NUP98: variants seen among roughly 807,000 people sequenced by gnomAD.
The protein encoded by NUP98 is nuclear pore complex protein Nup98-Nup96.
In NUP98, 26 loss-of-function variants were observed where a neutral mutation model predicts 191.9. The observed-to-expected ratio is 0.14, with a 90% CI of 0.10 to 0.19. NUP98 has a LOEUF of 0.19. NUP98 is among the 10% of genes least tolerant of loss of function. The pLI, the probability that NUP98 is intolerant of heterozygous loss-of-function variation, is 1.00. For missense variants in NUP98, 1,941 were observed against 2,178.8 expected, an observed-to-expected ratio of 0.89 and a Z score of 2.17; for synonymous variants, 808 against 778.4, an observed-to-expected ratio of 1.04 and a Z score of -0.63.
In NUP98 at chr11:3,771,991, C is replaced by T. The variant is rs913693644; in HGVS notation, c.604-63G>A. The T allele has an allele frequency of 2.9e-6, 4 of 1,394,018 alleles. No homozygotes were observed. The African/African-American group carries it at 4.3e-5, about 15-fold the overall frequency. The allele number at this position is 1,394,018 out of a possible 1,614,324, so 86.4% of individuals were successfully genotyped here. On this transcript the variant is annotated intron_variant, in intron 6 of 32. Transcript: ENST00000324932. ...CAGCTAAAAATAATTATTTAGGAGG[C>T]TAAATACTTGAATTTAGTATTCAAG...
intron 25 of NUP98, among the ~76,000 whole-genome samples, chr11:3,695,993 ACCAG>A (rs1460854501): frequency 2.0e-5 from 3 of 152,090 alleles, no homozygotes; most frequent in Non-Finnish European, 4.4e-5. Context: ...CGAGTTCGAG[ACCAG>A]CCTGACCAAC....
intron 23 of NUP98, 146 bp downstream of exon 23, chr11:3,702,316 CT>C (rs2078719953): frequency 1.0e-4 from 8 of 77,640 alleles, no homozygotes; most frequent in Admixed American, 1.6e-4. Context: ...CACACACACT[CT>C]CTCTCTCTCT....
At chr11:3,776,077 A>C in intron 4 of NUP98, 56 bp from the exon 5 acceptor site, 1 of 1,387,618 alleles carries the variant, frequency 7.2e-7, no homozygotes, top group Non-Finnish European at 1.0e-6. Flanking sequence ...AGAATGTATA[A>C]GATGCATTGG....
chr11:3,728,469 C>T (rs1277918655), intron 14 of NUP98, among the ~76,000 whole-genome samples: 2 of 152,220 alleles, frequency 1.3e-5, no homozygotes, highest in African/African-American at 4.8e-5. Flanking sequence ...GGTGCGGCGG[C>T]TCACGCCTGT....
Position 3,687,272 on chromosome 11 carries a change from T to A in NUP98, c.4455-1078A>T, listed in dbSNP as rs371179944. On this transcript the variant is annotated intron_variant, in intron 28 of 32. Transcript: ENST00000324932. Reference sequence around the variant, plus strand: ...CTGAATTTTCAGAGTTCTTGATGTATTCCTGGATACAAGTTCTCTATCAGA... The same window carrying A: ...CTGAATTTTCAGAGTTCTTGATGTAATCCTGGATACAAGTTCTCTATCAGA... Among the ~76,000 whole-genome samples the A allele has an allele frequency of 1.9e-4, 29 of 152,300 alleles. No homozygotes were observed. The East Asian group carries it at 5.6e-3, about 29-fold the overall frequency.
intron 26 of NUP98, among the ~76,000 whole-genome samples, chr11:3,694,468 C>T (rs113119618): frequency 0.015 from 2,339 of 150,976 alleles, 65 homozygotes; most frequent in African/African-American, 0.054. Flanking sequence ...GGGCCGGGCG[C>T]GGTGGCTCAC....
chr11:3,726,990 G>A (rs966110134), intron 14 of NUP98, among the ~76,000 whole-genome samples: 1 of 151,934 alleles, frequency 6.6e-6, no homozygotes, highest in East Asian at 1.9e-4. Context: ...GGTCTCACTG[G>A]CCTCTCTAGT....
rs774458907 is a variant in NUP98 at position 3,686,056 on chromosome 11, T to C, written c.4593A>G (p.Leu1531=). Residue 1531 remains leucine (L), a synonymous_variant, in exon 29 of 33, where the codon CTA becomes CTG. Transcript: ENST00000324932. ...CAAGCTGGCCAGCGTAACTGGCCTGTAGCACACCTTCACACTGCGCTGAGA... is the reference window on the plus strand; with the variant it reads ...CAAGCTGGCCAGCGTAACTGGCCTGCAGCACACCTTCACACTGCGCTGAGA... The part of the protein sequence containing the change: ...THLSAQCEGV[L]QASYAGQLES... 1.4e-5 allele frequency: 23 copies of C among 1,614,090 alleles called. No individual in the cohort carries two copies. In the Admixed American group the frequency reaches 1.7e-4, roughly 12 times the overall value.
At chr11:3,784,324 G>C (rs2082069372) in intron 1 of NUP98, among the ~76,000 whole-genome samples, 1 of 136,486 alleles carries the variant, frequency 7.3e-6, no homozygotes, top group Non-Finnish European at 1.7e-5. Context: ...AAATTTCCTA[G>C]GAAAAAAAAT....
At chr11:3,725,415 T>C (rs1157657023) in intron 14 of NUP98, among the ~76,000 whole-genome samples, 196 bp from the exon 15 acceptor site, 1 of 152,210 alleles carries the variant, frequency 6.6e-6, no homozygotes, top group African/African-American at 2.4e-5. Flanking sequence ...AAATACATTG[T>C]ACTATGGTGT....
chr11:3,784,975 TAAAAATACAA>T (rs1370563888), intron 1 of NUP98, among the ~76,000 whole-genome samples: 3 of 151,480 alleles, frequency 2.0e-5, no homozygotes, highest in Admixed American at 2.0e-4. Context: ...CCGTCTCTAC[TAAAAATACAA>T]AAATTAGCCA....
chr11:3,720,975 A>AGTGTGTGTGTGTGTGTGT lies in NUP98; in HGVS notation c.2147-168_2147-151dup, dbSNP rs55984201. The stretch of plus-strand genomic sequence containing the variant: ...TGATTCCTAGGAGAAGGGGTGTGTG[A>AGTGTGTGTGTGTGTGTGT]GTGTGTGTGTGTGTGTGTGTGTGTG... On this transcript the variant is annotated intron_variant, in intron 16 of 32. Transcript: ENST00000324932. 281 of 324,590 alleles carry AGTGTGTGTGTGTGTGTGT rather than the reference A, an allele frequency of 8.7e-4. 1 individual carries two copies. Among genetic ancestry groups the AGTGTGTGTGTGTGTGTGT allele is most frequent in the African/African-American group, 5.5e-3 (242 of 44,106 alleles). 20.1% of individuals were successfully genotyped at this position (324,590 alleles called of 1,614,324 possible).
chr11:3,768,536 C>G, intron 8 of NUP98, 45 bp downstream of exon 8: 1 of 1,442,920 alleles, frequency 6.9e-7, no homozygotes, highest in Non-Finnish European at 9.2e-7. Flanking sequence ...CATTACTTAA[C>G]TCTAAAAATA....
At chr11:3,728,613 C>T (rs769201793) in intron 14 of NUP98, among the ~76,000 whole-genome samples, 1 of 152,074 alleles carries the variant, frequency 6.6e-6, no homozygotes, top group Non-Finnish European at 1.5e-5. Flanking sequence ...GTGGTGGGCG[C>T]CTGTAGTCCC....
In NUP98 at chr11:3,695,460, C is replaced by T; in HGVS notation, c.4156G>A (p.Ala1386Thr). The T allele has an allele frequency of 6.5e-7, 1 of 1,547,188 alleles. No homozygotes were observed. Among genetic ancestry groups the T allele is most frequent in the Non-Finnish European group, 8.7e-7 (1 of 1,146,888 alleles). ...AAAGTAGAAGATACCGGTTTTCCAG[C>T]CAACAGAGCAAAGATGCGCAGTCTC... Reference protein sequence around the residue: ...DERLRIFALLAGKPVWQLSEK... With the variant: ...DERLRIFALLTGKPVWQLSEK... The change falls in exon 26 of 33, where the codon GCT (alanine) becomes ACT (threonine). Residue 1386 changes from alanine (A) to threonine (T), a missense_variant. Ala to Thr is a moderately conservative substitution (Grantham distance 58). This residue lies in a region of NUP98 where 1,030 missense variants were observed against 1,115.8 expected (regional missense o/e 0.92). Coordinates refer to ENST00000324932, the MANE Select transcript of NUP98 (RefSeq NM_016320.5).
intron 23 of NUP98, among the ~76,000 whole-genome samples, chr11:3,701,284 G>C (rs1253491080): frequency 1.4e-5 from 2 of 144,158 alleles, no homozygotes; most frequent in South Asian, 4.3e-4. Flanking sequence ...TTTTGAGATG[G>C]AGTTTCACAC....
Position 3,702,732 on chromosome 11 carries a change from G to A in NUP98, c.3243C>T (p.Pro1081=). The A allele has an allele frequency of 6.2e-7, 1 of 1,614,170 alleles. No individual in the cohort carries two copies. Among genetic ancestry groups the A allele is most frequent in the Non-Finnish European group, 8.5e-7 (1 of 1,180,036 alleles). Residue 1081 remains proline (P), a synonymous_variant, in exon 23 of 33, where the codon CCC becomes CCT. Transcript: ENST00000324932. ...TCAACGGAACCTCAGGGGCTGGGCT[G>A]GGCATTGTGAACACAGAAGTCAGGG... is the stretch of plus-strand genomic sequence containing the variant. ...PPPLTSVFTM[P]SPAPEVPLKT...
At chr11:3,744,461 G>GT (rs774190979) in intron 12 of NUP98, 48 bp downstream of exon 12, 1 of 1,564,278 alleles carries the variant, frequency 6.4e-7, no homozygotes, top group Non-Finnish European at 8.6e-7. Context: ...AGGTCAGCAA[G>GT]TATTAGCAAA....
chr11:3,777,033 C>G (rs1384963328), intron 4 of NUP98, among the ~76,000 whole-genome samples: 1 of 152,116 alleles, frequency 6.6e-6, no homozygotes. Flanking sequence ...CAAGAGTGGT[C>G]ACAGTACATT....
Sources: allele counts gnomAD v4.1 joint callset (sites outside exome capture counted in the v4.1 genomes callset), GRCh38; gene constraint gnomAD v4.1.1; regional missense constraint gnomAD v4.1.1; transcripts MANE v1.5; gene names NCBI Gene and HGNC (gene_info 2026-07-23, HGNC 2026-07-21).